Variants in ODAD2 observed in about 807,000 individuals in gnomAD.
ODAD2 encodes outer dynein arm docking complex subunit 2.
A neutral mutation model predicts 106.8 loss-of-function variants in ODAD2; 89 were observed. The ratio of observed to expected loss-of-function variants is 0.83; its 90% CI spans 0.70 to 0.99. The LOEUF (loss-of-function observed/expected upper bound fraction) is 0.99. Among genes scored for constraint, ODAD2 ranks in the 50% least tolerant of loss-of-function variants. The pLI, the probability that ODAD2 is intolerant of heterozygous loss-of-function variation, is 0.00. For synonymous variants in ODAD2, 404 were observed against 436.2 expected (o/e 0.93, Z 0.92); for missense variants, 1,168 against 1,238.5 (o/e 0.94, Z 0.85).
chr10:27,899,418 G>GT (rs1438301924), intron 17 of ODAD2, among the ~76,000 whole-genome samples: 12 of 151,760 alleles, frequency 7.9e-5, no homozygotes, highest in South Asian at 4.2e-4. Flanking sequence ...AGCTGCAGGA[G>GT]TGTTTTTTTC....
intron 16 of ODAD2, among the ~76,000 whole-genome samples, chr10:27,921,734 C>T (rs61842724): frequency 0.03 from 4,069 of 137,162 alleles, 155 homozygotes; most frequent in African/African-American, 0.1. Flanking sequence ...AATCCCCAGT[C>T]CAAAAAAAAA....
chr10:27,953,255 G>A (rs1025146095), intron 10 of ODAD2, among the ~76,000 whole-genome samples: 1 of 152,018 alleles, frequency 6.6e-6, no homozygotes, highest in Non-Finnish European at 1.5e-5. Flanking sequence ...GCAGATATCT[G>A]GAACTTATTC....
chr10:27,905,970 G>A (rs1407376315), intron 17 of ODAD2, among the ~76,000 whole-genome samples: 1 of 152,148 alleles, frequency 6.6e-6, no homozygotes, highest in Non-Finnish European at 1.5e-5. Flanking sequence ...AAGATTTCAT[G>A]ACTAAAACAC....
intron 17 of ODAD2, among the ~76,000 whole-genome samples, chr10:27,902,137 T>A (rs1250574664): frequency 6.6e-6 from 1 of 152,158 alleles, no homozygotes; most frequent in Non-Finnish European, 1.5e-5. Context: ...AAATTGGAAC[T>A]CAGGATTAAG....
intron 16 of ODAD2, among the ~76,000 whole-genome samples, chr10:27,912,969 A>T (rs1844112479): frequency 6.6e-6 from 1 of 152,144 alleles, no homozygotes; most frequent in African/African-American, 2.4e-5. Flanking sequence ...TGGAGAAAAG[A>T]TGTGAATGTG....
intron 19 of ODAD2, among the ~76,000 whole-genome samples, chr10:27,827,369 C>T (rs1352250747): frequency 1.9e-5 from 2 of 104,094 alleles, no homozygotes; most frequent in Non-Finnish European, 3.7e-5. Context: ...CACACATACA[C>T]ACACACACAC....
At chr10:27,882,233 G>GAAAGAAAGAA (rs1451039386) in intron 17 of ODAD2, among the ~76,000 whole-genome samples, 2 of 145,252 alleles carry the variant, frequency 1.4e-5, no homozygotes, top group Admixed American at 1.4e-4. Context: ...AAGAAAGAAA[G>GAAAGAAAGAA]AAATATGAAC....
intron 17 of ODAD2, among the ~76,000 whole-genome samples, chr10:27,891,054 A>G (rs895512696): frequency 6.6e-6 from 1 of 152,200 alleles, no homozygotes; most frequent in Admixed American, 6.5e-5. Flanking sequence ...GCATGAAACT[A>G]AACCCCTCCA....
intron 17 of ODAD2, among the ~76,000 whole-genome samples, chr10:27,891,988 T>G (rs966666170): frequency 3.9e-5 from 6 of 152,212 alleles, no homozygotes; most frequent in African/African-American, 1.4e-4. Context: ...TTCAGTTGCA[T>G]TCTTTACATC....
intron 10 of ODAD2, among the ~76,000 whole-genome samples, chr10:27,959,614 C>T (rs1847980356): frequency 6.6e-6 from 1 of 152,140 alleles, no homozygotes; most frequent in Non-Finnish European, 1.5e-5. Flanking sequence ...CTAGCCCGTG[C>T]TCCATGCTAG....
At chr10:27,862,129 C>T (rs949535605) in intron 18 of ODAD2, among the ~76,000 whole-genome samples, 1 of 152,028 alleles carries the variant, frequency 6.6e-6, no homozygotes, top group Non-Finnish European at 1.5e-5. Flanking sequence ...ATGATGGTGG[C>T]GGTGAAGATG....
chr10:27,883,263 C>T (rs1841868615), intron 17 of ODAD2, among the ~76,000 whole-genome samples: 1 of 152,092 alleles, frequency 6.6e-6, no homozygotes, highest in African/African-American at 2.4e-5. Context: ...AAGGAAATAT[C>T]TGTCAACTCA....
In ODAD2 at chr10:27,969,276, G is replaced by A. The variant is rs577083748; in HGVS notation, c.1143-258C>T. On this transcript the variant is annotated intron_variant, in intron 8 of 19. Coordinates refer to ENST00000305242, the MANE Select transcript of ODAD2 (RefSeq NM_018076.5). ...CTTCACAGGCTGCCACTGTTGGTGT[G>A]AATCCTGCACCCGATGCCTTCTACT... Among the ~76,000 whole-genome samples, 6 of 151,890 alleles carry A rather than the reference G, an allele frequency of 4.0e-5. No homozygotes were observed. In the South Asian group the frequency reaches 1.2e-3, roughly 32 times the overall value.
chr10:27,837,692 C>A (rs142262003), intron 19 of ODAD2, among the ~76,000 whole-genome samples: 270 of 152,246 alleles, frequency 1.8e-3, no homozygotes, highest in African/African-American at 6.2e-3. Context: ...ACAAAATAAA[C>A]TTTATAAATA....
intron 19 of ODAD2, among the ~76,000 whole-genome samples, chr10:27,859,866 T>C (rs1357680135): frequency 6.6e-6 from 1 of 152,154 alleles, no homozygotes; most frequent in South Asian, 2.1e-4. Flanking sequence ...CAAACATGTC[T>C]TTGAATCTAT....
chr10:27,939,773 C>CAAAT (rs1376161584), intron 14 of ODAD2, 124 bp downstream of exon 14: 3 of 488,180 alleles, frequency 6.1e-6, no homozygotes, highest in Non-Finnish European at 1.1e-5. Flanking sequence ...TTAAAAAAAT[C>CAAAT]AAATAAATAA....
intron 1 of ODAD2, chr10:27,995,857 T>C (rs749413387): frequency 2.6e-5 from 4 of 152,260 alleles, no homozygotes; most frequent in Non-Finnish European, 4.4e-5. Flanking sequence ...TGCCTGTATA[T>C]CCTGCCCAGA....
intron 16 of ODAD2, among the ~76,000 whole-genome samples, chr10:27,921,475 A>G (rs1261130748): frequency 6.6e-6 from 1 of 152,068 alleles, no homozygotes; most frequent in African/African-American, 2.4e-5. Context: ...GTATAAAAGA[A>G]CAGTAGAGAC....
At chr10:27,977,744 A>C (rs1471928847) in intron 7 of ODAD2, among the ~76,000 whole-genome samples, 1 of 152,214 alleles carries the variant, frequency 6.6e-6, no homozygotes, top group Non-Finnish European at 1.5e-5. Flanking sequence ...GTCCAAATAG[A>C]CACTTTACCA....
Sources: allele counts gnomAD v4.1 joint callset (sites outside exome capture counted in the v4.1 genomes callset), GRCh38; gene constraint gnomAD v4.1.1; transcripts MANE v1.5; gene names NCBI Gene and HGNC (gene_info 2026-07-23, HGNC 2026-07-21).